Variants in FSD1L observed in about 807,000 individuals in gnomAD.
The protein encoded by FSD1L is fibronectin type III and SPRY domain containing 1 like.
Under a neutral mutation model 71.6 loss-of-function variants are expected in FSD1L, and 45 were observed. The observed-to-expected ratio is 0.63, with a 90% CI of 0.49 to 0.81. The LOEUF (loss-of-function observed/expected upper bound fraction) is 0.81, where lower values mean the gene tolerates loss of function less well. Ranked by LOEUF, FSD1L falls within the 30% of genes least tolerant of loss-of-function variation. The pLI is 0.00. For missense variants in FSD1L, 561 were observed against 618.1 expected (o/e 0.91, Z 0.98); for synonymous variants, 197 against 207.2 (o/e 0.95, Z 0.42).
rs1427229939 is a variant in FSD1L, at chr9:105,551,048, C to T, written c.*4565C>T. The T allele has an allele frequency of 6.6e-6, 1 of 152,030 alleles. No individual in the cohort carries two copies. The highest frequency in any genetic ancestry group is 2.4e-5 in the African/African-American group (1 of 41,444). 9.4% of individuals were successfully genotyped at this position (152,030 alleles called of 1,614,324 possible). A position where few individuals can be genotyped will look rare whatever the true frequency, so the allele number is the denominator to read the frequency against. On this transcript the variant is annotated 3_prime_UTR_variant, in exon 14 of 14. Coordinates refer to ENST00000481272, the MANE Select transcript of FSD1L (RefSeq NM_001145313.3). ...AAGTCAAATAGTAAGTGGTAAAACA[C>T]ATTTTTGTTAGTATTGGAACTTTCT...
intron 12 of FSD1L, 79 bp downstream of exon 12, chr9:105,535,397 G>T: frequency 7.1e-7 from 1 of 1,411,764 alleles, no homozygotes; most frequent in Non-Finnish European, 9.7e-7. Flanking sequence ...ATCTATACAG[G>T]ATTTCCATTA....
At chr9:105,448,383 C>T (rs1829760772) in intron 1 of FSD1L, 148 bp downstream of exon 1, 1 of 702,148 alleles carries the variant, frequency 1.4e-6, no homozygotes, top group Non-Finnish European at 2.1e-6. Flanking sequence ...GCCGCCCGGC[C>T]GCTCTCTGGG....
At chr9:105,452,690 C>CCTTCCTTCCTTT in intron 1 of FSD1L, among the ~76,000 whole-genome samples, 1 of 144,302 alleles carries the variant, frequency 6.9e-6, no homozygotes, top group Middle Eastern at 3.2e-3. Flanking sequence ...TTCCTTCCTT[C>CCTTCCTTCCTTT]CTTCCTTCCT....
chr9:105,520,445 C>T, intron 10 of FSD1L: 1 of 1,052,728 alleles, frequency 9.5e-7, no homozygotes. Flanking sequence ...AATTTTGTGA[C>T]TATCGAAGCT....
At position 105,534,381 on chromosome 9, in the gene FSD1L, A is replaced by G. The variant is rs78749813; in HGVS notation, c.1026-112A>G. ...GATCAAATTGAATGGTGTTATTTCT[A>G]TAACATAATTAGAAATCTTTTCAGA... On this transcript the variant is annotated intron_variant, in intron 10 of 13. Transcript: ENST00000481272. 3.2e-3 allele frequency: 1,927 copies of G among 607,042 alleles called. 30 individuals carry two copies. The African/African-American group carries it at 0.033, about 10-fold the overall frequency. The allele number at this position is 607,042 out of a possible 1,614,324, so 37.6% of individuals were successfully genotyped here.
At chr9:105,545,102 T>C (rs1280177177) in intron 13 of FSD1L, among the ~76,000 whole-genome samples, 2 of 152,106 alleles carry the variant, frequency 1.3e-5, no homozygotes, top group East Asian at 1.9e-4. Flanking sequence ...TTTTATTTCA[T>C]TGAGCAGTGG....
Position 105,448,117 on chromosome 9 carries a change from TG to T in FSD1L, c.-100del. On this transcript the variant is annotated 5_prime_UTR_variant, in exon 1 of 14. Coordinates refer to ENST00000481272, the MANE Select transcript of FSD1L (RefSeq NM_001145313.3). ...GGGGCCGGGCGGTGCCGGTGCGGGC[TG>T]GGGCAGTGCAGTGAGTAGCGGTCTT... 2 of 1,256,900 alleles carry T rather than the reference TG, an allele frequency of 1.6e-6. No homozygotes were observed. Among genetic ancestry groups the T allele is most frequent in the East Asian group, 2.8e-5 (1 of 36,346 alleles). 77.9% of individuals were successfully genotyped at this position (1,256,900 alleles called of 1,614,324 possible).
intron 7 of FSD1L, 87 bp downstream of exon 7, chr9:105,484,589 A>G (rs1832414521): frequency 1.2e-6 from 1 of 804,472 alleles, no homozygotes. Context: ...GTTTGTAAAT[A>G]TTAAGGAAGT....
chr9:105,526,197 G>A, intron 10 of FSD1L: 1 of 1,595,236 alleles, frequency 6.3e-7, no homozygotes, highest in Admixed American at 1.7e-5. Context: ...GCCGTGCTCT[G>A]AAATCTCTGA....
At chr9:105,534,933 G>A (rs1836168849) in intron 11 of FSD1L, 134 bp from the exon 12 acceptor site, 2 of 801,476 alleles carry the variant, frequency 2.5e-6, no homozygotes, top group Admixed American at 2.3e-5. Flanking sequence ...ATGTCTGTGT[G>A]TTAACATGAT....
chr9:105,453,458 G>A (rs1444916673), intron 1 of FSD1L, among the ~76,000 whole-genome samples: 1 of 152,118 alleles, frequency 6.6e-6, no homozygotes, highest in Non-Finnish European at 1.5e-5. Flanking sequence ...ACAGGCAGGA[G>A]ACACTGCGCC....
chr9:105,470,247 A>G (rs1439302419), intron 4 of FSD1L, among the ~76,000 whole-genome samples: 1 of 152,068 alleles, frequency 6.6e-6, no homozygotes, highest in African/African-American at 2.4e-5. Context: ...GTCCCTTGAG[A>G]TTCTACATGA....
rs1001061625 is a variant in FSD1L, at chr9:105,511,185, ACTAT to A, written c.896-1617_896-1614del. 4.4e-4 allele frequency among the ~76,000 whole-genome samples: 65 copies of A among 148,668 alleles called. 1 individual carries two copies. Among genetic ancestry groups the A allele is most frequent in the African/African-American group, 1.4e-3 (55 of 40,056 alleles). On this transcript the variant is annotated intron_variant, in intron 9 of 13. Coordinates refer to ENST00000481272, the MANE Select transcript of FSD1L (RefSeq NM_001145313.3). The stretch of plus-strand genomic sequence containing the variant: ...ATGGTCTTAAGTGGTTTTCAATGGT[ACTAT>A]CTATTTTTTTTTTTTGCCACCTTTG...
At chr9:105,536,994 C>T (rs558603698) in intron 12 of FSD1L, among the ~76,000 whole-genome samples, 1 of 152,152 alleles carries the variant, frequency 6.6e-6, no homozygotes, top group South Asian at 2.1e-4. Context: ...AAGACTATTA[C>T]ATTTACCCTT....
chr9:105,544,662 A>G (rs1345130339), intron 13 of FSD1L, among the ~76,000 whole-genome samples: 1 of 152,128 alleles, frequency 6.6e-6, no homozygotes, highest in Non-Finnish European at 1.5e-5. Flanking sequence ...CAGTTTTCCC[A>G]GCACCATTTG....
chr9:105,484,802 A>G (rs1018451776), intron 7 of FSD1L, among the ~76,000 whole-genome samples: 4 of 152,062 alleles, frequency 2.6e-5, no homozygotes, highest in African/African-American at 9.7e-5. Flanking sequence ...TTTGAATCCT[A>G]TTGCTTACTT....
chr9:105,470,158 T>C (rs1440127148), intron 4 of FSD1L, among the ~76,000 whole-genome samples: 1 of 152,218 alleles, frequency 6.6e-6, no homozygotes, highest in Non-Finnish European at 1.5e-5. Flanking sequence ...TTTGGGTTCC[T>C]ATAGTTTTGT....
intron 10 of FSD1L, chr9:105,520,479 G>A (rs1166504331): frequency 6.6e-6 from 7 of 1,057,632 alleles, no homozygotes; most frequent in Non-Finnish European, 8.9e-6. Context: ...AAGGTCACAA[G>A]TCTCAAAGAG....
At chr9:105,495,412 C>A (rs537591796) in intron 7 of FSD1L, among the ~76,000 whole-genome samples, 44 of 152,312 alleles carry the variant, frequency 2.9e-4, no homozygotes, top group African/African-American at 1.1e-3. Context: ...TCACCCCTTT[C>A]TTTGACTAGG....
Sources: gnomAD v4.1 joint callset for allele counts (sites outside exome capture counted in the v4.1 genomes callset) on GRCh38, gnomAD v4.1.1 for gene constraint, MANE v1.5 for transcripts, NCBI Gene and HGNC (gene_info 2026-07-23, HGNC 2026-07-21) for gene names.